Variants in ANKFN1 observed in about 807,000 individuals in gnomAD.
The protein encoded by ANKFN1 is ankyrin repeat and fibronectin type III domain containing 1.
ANKFN1 carries 74 observed loss-of-function variants against 108.7 expected under a neutral mutation model. The observed-to-expected ratio is 0.68, with a 90% CI of 0.56 to 0.83. The LOEUF is 0.83. Ranked by LOEUF, ANKFN1 falls within the 40% of genes least tolerant of loss-of-function variation. The pLI is 0.00. For synonymous variants in ANKFN1, 547 were observed against 516.2 expected, an observed-to-expected ratio of 1.06 and a Z score of -0.81; for missense variants, 1,505 against 1,382.3, an observed-to-expected ratio of 1.09 and a Z score of -1.41.
intron 4 of ANKFN1, among the ~76,000 whole-genome samples, chr17:56,146,673 G>A (rs1908276972): frequency 6.6e-6 from 1 of 152,196 alleles, no homozygotes; most frequent in South Asian, 2.1e-4. Flanking sequence ...CTGGGATGCA[G>A]GGCACTGTGT....
At chr17:56,238,767 T>C (rs2143981619) in intron 3 of ANKFN1, among the ~76,000 whole-genome samples, 1 of 152,266 alleles carries the variant, frequency 6.6e-6, no homozygotes, top group South Asian at 2.1e-4. Context: ...ATAATTTAAT[T>C]TGTAACAATT....
chr17:56,446,317 T>G (rs2145187428), intron 10 of ANKFN1, among the ~76,000 whole-genome samples: 1 of 152,256 alleles, frequency 6.6e-6, no homozygotes, highest in South Asian at 2.1e-4. Context: ...ACACACAACC[T>G]TGCTTATCTT....
intron 15 of ANKFN1, among the ~76,000 whole-genome samples, chr17:56,467,802 GAAA>G (rs2050161314): frequency 3.2e-5 from 1 of 31,246 alleles, no homozygotes; most frequent in African/African-American, 9.0e-5. Flanking sequence ...AAGAAAGAAA[GAAA>G]GAAAGAAAGA....
At chr17:56,211,918 T>C (rs550913137) in intron 1 of ANKFN1, among the ~76,000 whole-genome samples, 9 of 152,340 alleles carry the variant, frequency 5.9e-5, no homozygotes, top group African/African-American at 1.9e-4. Context: ...TCTTGGTGTA[T>C]AGCAGAACTA....
chr17:56,477,653 A>G lies in ANKFN1; in HGVS notation c.1939A>G (p.Arg647Gly). The G allele has an allele frequency of 1.2e-6, 2 of 1,612,402 alleles. No individual in the cohort carries two copies. Among genetic ancestry groups the G allele is most frequent in the Non-Finnish European group, 1.7e-6 (2 of 1,179,358 alleles). Residue 647 changes from arginine (R) to glycine (G), a missense_variant and splice_region_variant, in exon 16 of 21, where the codon AGA (arginine) becomes GGA (glycine). Physicochemically the swap from Arg to Gly is moderately radical, Grantham distance 125. Transcript: ENST00000682825. The stretch of plus-strand genomic sequence containing the variant: ...GATCCGTGAAAACAATAATATTTCT[A>G]GGTAAGTGATCAGGAGTTAAGATTT... ...VKIRENNNIS[R>G]EEWEWIQKLS...
Position 56,480,655 on chromosome 17 carries a change from A to C in ANKFN1, c.1941-13A>C, listed in dbSNP as rs376135227. On this transcript the variant is annotated splice_polypyrimidine_tract_variant and intron_variant, in intron 16 of 20. Transcript: ENST00000682825. The stretch of plus-strand genomic sequence containing the variant: ...TTGTTATATTTCTAATTTTAACTTG[A>C]CTCAACATACAGAGAGGAATGGGAA... The C allele has an allele frequency of 1.1e-5, 17 of 1,612,126 alleles. No homozygotes were observed. Among genetic ancestry groups the C allele is most frequent in the Non-Finnish European group, 1.7e-6 (2 of 1,178,966 alleles).
At chr17:56,374,558 G>T (rs966358233) in intron 7 of ANKFN1, 43 bp from the exon 8 acceptor site, 1 of 1,432,304 alleles carries the variant, frequency 7.0e-7, no homozygotes, top group South Asian at 1.2e-5. Flanking sequence ...GTTTGAAAAG[G>T]ATTTGCTATG....
chr17:56,171,633 G>A (rs1479949088), intron 1 of ANKFN1, among the ~76,000 whole-genome samples: 1 of 152,176 alleles, frequency 6.6e-6, no homozygotes, highest in East Asian at 1.9e-4. Flanking sequence ...TGTAGAAACT[G>A]CCAAGGAAAA....
At chr17:56,125,638 A>G (rs1181404410) in intron 4 of ANKFN1, among the ~76,000 whole-genome samples, 1 of 152,226 alleles carries the variant, frequency 6.6e-6, no homozygotes, top group African/African-American at 2.4e-5. Context: ...CATTTTACAA[A>G]TGAGGAAACA....
intron 3 of ANKFN1, among the ~76,000 whole-genome samples, chr17:56,229,451 CTGT>C (rs1448146056): frequency 6.6e-6 from 1 of 152,020 alleles, no homozygotes; most frequent in East Asian, 1.9e-4. Flanking sequence ...CTTTACCATA[CTGT>C]TACTGCCTAT....
intron 4 of ANKFN1, among the ~76,000 whole-genome samples, chr17:56,144,156 G>GAA (rs59884444): frequency 0.019 from 772 of 40,534 alleles, 156 homozygotes; most frequent in African/African-American, 0.063. Flanking sequence ...AGGCGCATCT[G>GAA]AAAAAAAAAA....
intron 1 of ANKFN1, among the ~76,000 whole-genome samples, chr17:56,198,394 C>T (rs973040340): frequency 1.1e-4 from 16 of 152,086 alleles, no homozygotes; most frequent in African/African-American, 3.4e-4. Flanking sequence ...AATCTAATGC[C>T]GCTGCTGATG....
intron 14 of ANKFN1, chr17:56,464,049 T>C (rs2049997954): frequency 6.6e-6 from 1 of 152,132 alleles, no homozygotes; most frequent in Non-Finnish European, 1.5e-5. Flanking sequence ...ATTAACATGG[T>C]CTATTTTTGC....
intron 8 of ANKFN1, among the ~76,000 whole-genome samples, chr17:56,385,659 A>G (rs2047241622): frequency 6.6e-6 from 1 of 152,276 alleles, no homozygotes; most frequent in Admixed American, 6.5e-5. Flanking sequence ...AAGTGTGCGA[A>G]GGACATGAAC....
At chr17:56,274,748 T>C (rs1241797824) in intron 3 of ANKFN1, among the ~76,000 whole-genome samples, 1 of 152,178 alleles carries the variant, frequency 6.6e-6, no homozygotes, top group Non-Finnish European at 1.5e-5. Flanking sequence ...CATACAGCTG[T>C]GGTCTCCACA....
At chr17:56,270,012 A>G (rs1005237201) in intron 3 of ANKFN1, among the ~76,000 whole-genome samples, 6 of 152,204 alleles carry the variant, frequency 3.9e-5, no homozygotes, top group Non-Finnish European at 7.3e-5. Context: ...CTGGTGTCCA[A>G]AATCTTTTGG....
chr17:56,440,221 C>G (rs1313595315), intron 8 of ANKFN1, 106 bp from the exon 9 acceptor site: 2 of 527,696 alleles, frequency 3.8e-6, no homozygotes, highest in Admixed American at 3.3e-5. Context: ...GCACTTAACT[C>G]TTTCTGAGAG....
At chr17:56,128,292 A>C (rs909663910) in intron 4 of ANKFN1, among the ~76,000 whole-genome samples, 2 of 150,928 alleles carry the variant, frequency 1.3e-5, no homozygotes, top group Admixed American at 6.6e-5. Context: ...CTTTGACTTG[A>C]TATGCAATGG....
intron 19 of ANKFN1, among the ~76,000 whole-genome samples, chr17:56,496,101 G>A (rs1197428323): frequency 6.6e-6 from 1 of 152,054 alleles, no homozygotes; most frequent in Non-Finnish European, 1.5e-5. Flanking sequence ...TAAAATGGGT[G>A]AAAATTGGCC....
Sources: gnomAD v4.1 joint callset for allele counts (sites outside exome capture counted in the v4.1 genomes callset) on GRCh38, gnomAD v4.1.1 for gene constraint, MANE v1.5 for transcripts, NCBI Gene and HGNC (gene_info 2026-07-23, HGNC 2026-07-21) for gene names.